FAM50B: variants seen among roughly 807,000 people sequenced by gnomAD.
FAM50B encodes family with sequence similarity 50 member B.
In FAM50B, 9 loss-of-function variants were observed where a neutral mutation model predicts 25.4. The observed-to-expected ratio is 0.35, with a 90% CI of 0.21 to 0.62. FAM50B has a LOEUF of 0.62. Ranked by LOEUF, FAM50B falls within the 20% of genes least tolerant of loss-of-function variation. The pLI is 0.73. For missense variants in FAM50B, 372 were observed against 477.9 expected, an observed-to-expected ratio of 0.78 and a Z score of 2.07; for synonymous variants, 212 against 204.3, an observed-to-expected ratio of 1.04 and a Z score of -0.32.
At chr6:3,835,076 G>A in the FAM50B span, among the ~76,000 whole-genome samples, 5 of 152,170 alleles carry the variant, frequency 3.3e-5, no homozygotes, top group Admixed American at 3.3e-4. Flanking sequence ...CCCCTTGATG[G>A]TAGAATGCGT....
Position 3,849,939 on chromosome 6 carries a change from C to T in FAM50B, c.128C>T (p.Ser43Leu). 4 of 1,613,928 alleles carry T rather than the reference C, an allele frequency of 2.5e-6. No individual in the cohort carries two copies. Among genetic ancestry groups the T allele is most frequent in the Non-Finnish European group, 3.4e-6 (4 of 1,180,002 alleles). Residue 43 changes from serine (S) to leucine (L), a missense_variant, in exon 2 of 2, where the codon TCG becomes TTG. By Grantham distance (145) the Ser-to-Leu change is moderately radical (BLOSUM62 -2). This residue lies in a region of FAM50B where 64 missense variants were observed against 118.3 expected (regional missense o/e 0.54). Coordinates refer to ENST00000648326, the MANE Select transcript of FAM50B (RefSeq NM_012135.3). ...ATCGCCGAGGAGACCATCCTCAAGT[C>T]GCAGGTGGACAAGAGGTTCTCGGCG... ...QRIAEETILK[S>L]QVDKRFSAHY...
At chr6:3,841,108 G>A in the FAM50B span, among the ~76,000 whole-genome samples, 1 of 152,192 alleles carries the variant, frequency 6.6e-6, no homozygotes. Context: ...AGATGGAGAC[G>A]GTGGGCCGTA....
rs1762213815 is a variant in FAM50B, at chr6:3,850,969, C to G, written c.*180C>G. On this transcript the variant is annotated 3_prime_UTR_variant, in exon 2 of 2. Coordinates refer to ENST00000648326, the MANE Select transcript of FAM50B (RefSeq NM_012135.3). ...GTTATGCTTTGGTTGCTTGGTTGGT[C>G]TTTTCTGAGTATTTTAGTGTTGCCA... is the stretch of plus-strand genomic sequence containing the variant. The G allele has an allele frequency of 2.9e-6, 3 of 1,046,354 alleles. No individual in the cohort carries two copies. The South Asian group carries it at 5.1e-5, about 18-fold the overall frequency. 64.8% of individuals were successfully genotyped at this position (1,046,354 alleles called of 1,614,324 possible).
chr6:3,843,915 C>T, the FAM50B span, among the ~76,000 whole-genome samples: 1 of 152,160 alleles, frequency 6.6e-6, no homozygotes, highest in Non-Finnish European at 1.5e-5. Flanking sequence ...TTGGAGGGAT[C>T]ATTGAGTGGA....
At chr6:3,839,311 C>T in the FAM50B span, among the ~76,000 whole-genome samples, 1 of 152,108 alleles carries the variant, frequency 6.6e-6, no homozygotes, top group African/African-American at 2.4e-5. Flanking sequence ...GCTCACTCAT[C>T]TCCTCCCCCA....
chr6:3,841,445 G>A, the FAM50B span, among the ~76,000 whole-genome samples: 1 of 152,160 alleles, frequency 6.6e-6, no homozygotes, highest in South Asian at 2.1e-4. Flanking sequence ...AGTCACAGGG[G>A]AGACCATAGA....
upstream of FAM50B, among the ~76,000 whole-genome samples, chr6:3,846,285 C>A (rs1301898484): frequency 2.0e-5 from 3 of 152,202 alleles, no homozygotes; most frequent in African/African-American, 4.8e-5. Flanking sequence ...ACCACAAAGA[C>A]AGTCACACAA....
chr6:3,837,326 A>T, the FAM50B span, among the ~76,000 whole-genome samples: 1 of 152,342 alleles, frequency 6.6e-6, no homozygotes, highest in Admixed American at 6.5e-5. Flanking sequence ...CACATGCCTG[A>T]TGAAAGACTT....
In FAM50B at chr6:3,850,454, A is replaced by G; in HGVS notation, c.643A>G (p.Lys215Glu). Residue 215 changes from lysine to glutamate, a missense_variant, in exon 2 of 2, where the codon AAG (lysine) becomes GAG (glutamate). By Grantham distance (56) the Lys-to-Glu change is moderately conservative. This residue lies in a region of FAM50B where 224 missense variants were observed against 232.2 expected (regional missense o/e 0.96). Transcript: ENST00000648326. The stretch of plus-strand genomic sequence containing the variant: ...CAACACGGTGCAGCAGTTCCTGAAG[A>G]AGGCGCTGCAGGGGCTGCGCAAGGA... ...KGNTVQQFLK[K>E]ALQGLRKDFL... 1 of 1,613,522 alleles carries G rather than the reference A, an allele frequency of 6.2e-7. No homozygotes were observed. Among genetic ancestry groups the G allele is most frequent in the African/African-American group, 1.3e-5 (1 of 75,064 alleles).
chr6:3,838,652 G>C, the FAM50B span, among the ~76,000 whole-genome samples: 1 of 152,214 alleles, frequency 6.6e-6, no homozygotes, highest in African/African-American at 2.4e-5. Context: ...GACCATCCTG[G>C]TCAATATGGT....
upstream of FAM50B, among the ~76,000 whole-genome samples, chr6:3,847,977 C>T (rs1263652928): frequency 6.6e-6 from 1 of 152,232 alleles, no homozygotes; most frequent in Non-Finnish European, 1.5e-5. Flanking sequence ...TCAGTTAAAT[C>T]AATAAACGTC....
At chr6:3,835,826 G>C in the FAM50B span, among the ~76,000 whole-genome samples, 1 of 152,134 alleles carries the variant, frequency 6.6e-6, no homozygotes, top group African/African-American at 2.4e-5. Flanking sequence ...CAATTCTCCC[G>C]ACACTGTGGA....
chr6:3,848,392 T>C (rs1762149277), upstream of FAM50B, among the ~76,000 whole-genome samples: 1 of 152,180 alleles, frequency 6.6e-6, no homozygotes, highest in African/African-American at 2.4e-5. Context: ...TGATTACCTG[T>C]GGAGGAACGT....
chr6:3,848,179 CTG>C (rs1165437898), upstream of FAM50B, among the ~76,000 whole-genome samples: 5 of 152,236 alleles, frequency 3.3e-5, no homozygotes, highest in Non-Finnish European at 7.3e-5. Flanking sequence ...GCGCTTGACG[CTG>C]TGTTGCCACA....
chr6:3,835,899 A>G, the FAM50B span, among the ~76,000 whole-genome samples: 1 of 152,176 alleles, frequency 6.6e-6, no homozygotes, highest in South Asian at 2.1e-4. Context: ...CCGCATTTCC[A>G]GCTGCAGGAT....
At chr6:3,833,961 C>T in the FAM50B span, 1 of 152,146 alleles carries the variant, frequency 6.6e-6, no homozygotes, top group Non-Finnish European at 1.5e-5. Context: ...TACAAGCAAG[C>T]TTTGTAATTT....
the FAM50B span, among the ~76,000 whole-genome samples, chr6:3,838,809 C>T: frequency 2.8e-4 from 40 of 144,982 alleles, no homozygotes; most frequent in African/African-American, 1.0e-3. Context: ...CTACTGCACT[C>T]CAGCCTGGGT....
chr6:3,840,220 C>T, the FAM50B span, among the ~76,000 whole-genome samples: 1 of 152,076 alleles, frequency 6.6e-6, no homozygotes, highest in Non-Finnish European at 1.5e-5. Context: ...GTCTCGATCT[C>T]CTGACCTCGT....
At chr6:3,845,984 G>C (rs1363224920), upstream of FAM50B, among the ~76,000 whole-genome samples, 3 of 152,134 alleles carry the variant, frequency 2.0e-5, no homozygotes, top group Non-Finnish European at 4.4e-5. Flanking sequence ...GCCTCCCAAA[G>C]TGCTGGGATT....
Sources: allele counts gnomAD v4.1 joint callset (sites outside exome capture counted in the v4.1 genomes callset), GRCh38; gene constraint gnomAD v4.1.1; regional missense constraint gnomAD v4.1.1; transcripts MANE v1.5; gene names NCBI Gene and HGNC (gene_info 2026-07-23, HGNC 2026-07-21).